Variants in CTNNA3 observed in about 807,000 individuals in gnomAD.
CTNNA3 encodes the protein catenin alpha 3.
In CTNNA3, 76 loss-of-function variants were observed where a neutral mutation model predicts 95.7. That is an observed-to-expected ratio of 0.79 (90% CI 0.66 to 0.96). CTNNA3 has a LOEUF of 0.96. Among genes scored for constraint, CTNNA3 ranks in the 40% least tolerant of loss-of-function variants. The pLI is 0.00. For missense variants in CTNNA3, 1,191 were observed against 1,089.8 expected (o/e 1.09, Z -1.31); for synonymous variants, 431 against 374.4 (o/e 1.15, Z -1.74).
chr10:66,950,286 A>G (rs1254994132), intron 7 of CTNNA3, among the ~76,000 whole-genome samples: 1 of 152,036 alleles, frequency 6.6e-6, no homozygotes, highest in East Asian at 1.9e-4. Context: ...AAAATTTTCT[A>G]ACTTGAAGTA....
intron 13 of CTNNA3, among the ~76,000 whole-genome samples, chr10:66,194,505 T>C (rs1026117679): frequency 3.3e-5 from 5 of 152,070 alleles, no homozygotes; most frequent in African/African-American, 1.2e-4. Context: ...GCTTGAACAC[T>C]GGAGGTGGAG....
intron 2 of CTNNA3, among the ~76,000 whole-genome samples, chr10:67,626,998 T>G (rs74142860): frequency 1.1e-3 from 169 of 152,360 alleles, no homozygotes; most frequent in African/African-American, 3.8e-3. Context: ...GGTCTACTGG[T>G]CACACAGGTT....
At chr10:66,065,295 TAGC>T (rs2080291743) in intron 15 of CTNNA3, among the ~76,000 whole-genome samples, 3 of 152,048 alleles carry the variant, frequency 2.0e-5, no homozygotes, top group African/African-American at 7.2e-5. Context: ...TTTTTGGCTA[TAGC>T]TTTTTATTCC....
rs184702793 is a variant in CTNNA3, at chr10:66,224,639, G to A, written c.1884+55831C>T. Among the ~76,000 whole-genome samples, 359 of 152,144 alleles carry A rather than the reference G, an allele frequency of 2.4e-3. 4 individuals are homozygous for A. The highest frequency in any genetic ancestry group is 9.7e-4 in the East Asian group (5 of 5,172). On this transcript the variant is annotated intron_variant, in intron 13 of 17. Coordinates refer to ENST00000433211, the MANE Select transcript of CTNNA3 (RefSeq NM_013266.4). ...ATGTAATTGAGAAGATGAAATGAAGGAATTCATCTATACATTAACTAATAG... is the reference window on the plus strand; with the variant it reads ...ATGTAATTGAGAAGATGAAATGAAGAAATTCATCTATACATTAACTAATAG...
At chr10:66,953,648 G>T (rs539988532) in intron 7 of CTNNA3, among the ~76,000 whole-genome samples, 2 of 152,154 alleles carry the variant, frequency 1.3e-5, no homozygotes, top group East Asian at 3.9e-4. Context: ...ATATTGCTTA[G>T]AGAATTTCAT....
chr10:67,755,910 A>G (rs1004815249), intron 1 of CTNNA3, among the ~76,000 whole-genome samples: 5 of 152,154 alleles, frequency 3.3e-5, no homozygotes, highest in Non-Finnish European at 7.4e-5. Flanking sequence ...TAGCCAAAAT[A>G]TGGAATTGAT....
At chr10:66,671,417 T>A (rs1846657540) in intron 9 of CTNNA3, among the ~76,000 whole-genome samples, 1 of 152,058 alleles carries the variant, frequency 6.6e-6, no homozygotes, top group Non-Finnish European at 1.5e-5. Context: ...AACCAATTTT[T>A]AAAAATACCA....
chr10:67,416,020 G>A (rs533284068), intron 5 of CTNNA3, among the ~76,000 whole-genome samples: 36 of 152,236 alleles, frequency 2.4e-4, no homozygotes, highest in Non-Finnish European at 4.4e-4. Flanking sequence ...ACATTTAAAT[G>A]TAAATCCTCA....
At chr10:66,749,521 A>G (rs1839046411) in intron 9 of CTNNA3, among the ~76,000 whole-genome samples, 1 of 152,002 alleles carries the variant, frequency 6.6e-6, no homozygotes, top group Admixed American at 6.6e-5. Context: ...AGTTTCTTCC[A>G]TGTCTTTTCA....
Position 66,971,115 on chromosome 10 carries a change from G to A in CTNNA3, c.1048-195591C>T, listed in dbSNP as rs539399583. On this transcript the variant is annotated intron_variant, in intron 7 of 17. Transcript: ENST00000433211. ...ATTTGGACTTTAATTACACTGGGCA[G>A]CAATGAGGCAGGATAGTGAAGTTAA... Among the ~76,000 whole-genome samples the A allele has an allele frequency of 2.6e-5, 4 of 152,178 alleles. No individual in the cohort carries two copies. The South Asian group carries it at 8.3e-4, about 32-fold the overall frequency.
intron 13 of CTNNA3, among the ~76,000 whole-genome samples, chr10:66,275,823 A>C (rs1440298063): frequency 6.6e-6 from 1 of 152,140 alleles, no homozygotes; most frequent in Non-Finnish European, 1.5e-5. Flanking sequence ...AAGGCCACCA[A>C]GAAAAAAAAA....
intron 1 of CTNNA3, among the ~76,000 whole-genome samples, chr10:67,758,773 T>TA (rs59280830): frequency 1.3e-5 from 2 of 151,846 alleles, no homozygotes; most frequent in African/African-American, 4.8e-5. Context: ...TGATTTGGTT[T>TA]AAAAAAAAAT....
intron 7 of CTNNA3, among the ~76,000 whole-genome samples, chr10:67,072,459 G>A (rs1856518023): frequency 6.6e-6 from 1 of 152,132 alleles, no homozygotes; most frequent in South Asian, 2.1e-4. Context: ...TTGTATGATA[G>A]AAATTAGTTA....
chr10:66,620,964 A>T (rs964902643), intron 10 of CTNNA3, among the ~76,000 whole-genome samples: 41 of 152,124 alleles, frequency 2.7e-4, no homozygotes, highest in African/African-American at 9.4e-4. Flanking sequence ...GCTTCTTCTC[A>T]GATAAGAGTG....
At chr10:66,293,656 CTTT>C (rs1366297233) in intron 12 of CTNNA3, among the ~76,000 whole-genome samples, 8 of 144,428 alleles carry the variant, frequency 5.5e-5, no homozygotes, top group African/African-American at 1.9e-4. Flanking sequence ...ATTATTTTTT[CTTT>C]TTTCTTTCTT....
chr10:66,838,100 TG>T (rs892361012), intron 7 of CTNNA3, among the ~76,000 whole-genome samples: 3 of 151,990 alleles, frequency 2.0e-5, no homozygotes, highest in African/African-American at 7.2e-5. Flanking sequence ...AAGGCCTGAG[TG>T]GTTTGTTTAT....
In CTNNA3 at chr10:66,608,239, G is replaced by A. The variant is rs146050174; in HGVS notation, c.1374+13453C>T. 4.6e-5 allele frequency among the ~76,000 whole-genome samples: 7 copies of A among 151,996 alleles called. No homozygotes were observed. In the East Asian group the frequency reaches 5.8e-4, roughly 13 times the overall value. ...AAAATATCTGGGAATACAGGTAATC[G>A]GGGAGGTGAAAGGTCTCTACAATAA... On this transcript the variant is annotated intron_variant, in intron 10 of 17. Transcript: ENST00000433211.
intron 5 of CTNNA3, among the ~76,000 whole-genome samples, chr10:67,411,787 C>T (rs1325880372): frequency 6.6e-6 from 1 of 151,948 alleles, no homozygotes; most frequent in Non-Finnish European, 1.5e-5. Flanking sequence ...TTTGACTTTC[C>T]AACTAACATC....
intron 7 of CTNNA3, among the ~76,000 whole-genome samples, chr10:66,886,509 C>T (rs780480086): frequency 1.3e-4 from 20 of 152,244 alleles, no homozygotes; most frequent in Admixed American, 2.0e-4. Flanking sequence ...TGCCTACATG[C>T]TTACCTCCAA....
Sources: gnomAD v4.1 joint callset for allele counts (sites outside exome capture counted in the v4.1 genomes callset) on GRCh38, gnomAD v4.1.1 for gene constraint, MANE v1.5 for transcripts, NCBI Gene and HGNC (gene_info 2026-07-23, HGNC 2026-07-21) for gene names.